Variants in AKAP19 observed in about 807,000 individuals in gnomAD.
AKAP19 encodes small A-kinase anchoring protein.
chr2:190,027,079 G>A, the AKAP19 span, among the ~76,000 whole-genome samples: 15 of 152,188 alleles, frequency 9.9e-5, no homozygotes, highest in African/African-American at 3.1e-4. Flanking sequence ...CAGCTTTATT[G>A]CAAGTACTAA....
chr2:190,091,167 A>G, the AKAP19 span, among the ~76,000 whole-genome samples: 2 of 152,228 alleles, frequency 1.3e-5, no homozygotes, highest in African/African-American at 4.8e-5. Context: ...AAATGCCTAT[A>G]AAGTTCAACA....
At chr2:190,053,687 A>G in the AKAP19 span, among the ~76,000 whole-genome samples, 1 of 152,226 alleles carries the variant, frequency 6.6e-6, no homozygotes, top group Non-Finnish European at 1.5e-5. Flanking sequence ...TCTTAGTTAT[A>G]TTATTGGTAG....
chr2:190,107,403 C>CTGTGATTG, the AKAP19 span, among the ~76,000 whole-genome samples: 1 of 151,940 alleles, frequency 6.6e-6, no homozygotes, highest in African/African-American at 2.4e-5. Flanking sequence ...AGTTTTCATT[C>CTGTGATTG]AAGTTGTGAT....
chr2:190,073,080 CTTAAT>C, the AKAP19 span, among the ~76,000 whole-genome samples: 9 of 151,982 alleles, frequency 5.9e-5, no homozygotes. Context: ...AACACACTAG[CTTAAT>C]TTATCAATAT....
chr2:190,131,919 T>C, the AKAP19 span, among the ~76,000 whole-genome samples: 1 of 152,054 alleles, frequency 6.6e-6, no homozygotes, highest in Non-Finnish European at 1.5e-5. Flanking sequence ...GTCTCATATA[T>C]AGAAAACCTT....
the AKAP19 span, among the ~76,000 whole-genome samples, chr2:190,196,422 GA>G: frequency 6.6e-6 from 1 of 151,206 alleles, no homozygotes; most frequent in Non-Finnish European, 1.5e-5. Flanking sequence ...ATTTCTCTGA[GA>G]TTCTTTTTTT....
the AKAP19 span, among the ~76,000 whole-genome samples, chr2:190,131,694 C>A: frequency 6.6e-6 from 1 of 152,188 alleles, no homozygotes; most frequent in Non-Finnish European, 1.5e-5. Context: ...TGAAGTTGGG[C>A]AGTCTTGTAG....
chr2:190,094,917 T>A, the AKAP19 span, among the ~76,000 whole-genome samples: 152 of 152,214 alleles, frequency 1.0e-3, no homozygotes, highest in African/African-American at 3.4e-3. Flanking sequence ...TCAAAGAAAG[T>A]GAGAGATAAG....
At chr2:190,100,214 C>T in the AKAP19 span, among the ~76,000 whole-genome samples, 221 of 152,098 alleles carry the variant, frequency 1.5e-3, no homozygotes, top group African/African-American at 5.2e-3. Context: ...ATTAGTATCC[C>T]AGGATGATGA....
chr2:190,166,009 T>G, the AKAP19 span, among the ~76,000 whole-genome samples: 15 of 152,124 alleles, frequency 9.9e-5, no homozygotes, highest in African/African-American at 3.4e-4. Flanking sequence ...AAAGAGTGAG[T>G]TTACCACTTA....
chr2:189,930,570 G>A, the AKAP19 span: 1 of 232,874 alleles, frequency 4.3e-6, no homozygotes. Flanking sequence ...CAGCTACTCC[G>A]GAGGCTGAGG....
chr2:190,074,570 A>T, the AKAP19 span, among the ~76,000 whole-genome samples: 1 of 151,920 alleles, frequency 6.6e-6, no homozygotes, highest in East Asian at 1.9e-4. Context: ...AGATTCGCTT[A>T]AACCCGGGAG....
chr2:190,101,891 A>G, the AKAP19 span, among the ~76,000 whole-genome samples: 1 of 152,188 alleles, frequency 6.6e-6, no homozygotes, highest in Admixed American at 6.5e-5. Context: ...ACCACAGAAT[A>G]TATATATTCT....
chr2:190,166,314 ACT>A, the AKAP19 span, among the ~76,000 whole-genome samples: 7 of 70,016 alleles, frequency 1.0e-4, no homozygotes, highest in Admixed American at 8.4e-4. Flanking sequence ...AAAAAAATCC[ACT>A]CTTTTTTTTT....
chr2:190,195,385 A>G, the AKAP19 span, among the ~76,000 whole-genome samples: 1 of 152,232 alleles, frequency 6.6e-6, no homozygotes, highest in Non-Finnish European at 1.5e-5. Context: ...TTCACTTTCT[A>G]AGAAACTGCC....
At chr2:189,987,414 C>G in the AKAP19 span, among the ~76,000 whole-genome samples, 6 of 152,276 alleles carry the variant, frequency 3.9e-5, no homozygotes, top group African/African-American at 1.4e-4. Context: ...ACTAATATAC[C>G]TACTAAGGTT....
chr2:189,923,834 C>A, the AKAP19 span: 9 of 1,610,290 alleles, frequency 5.6e-6, no homozygotes, highest in Non-Finnish European at 6.8e-6. Flanking sequence ...GAGTGGACAG[C>A]GGGGATCTTC....
chr2:189,884,432 C>T, the AKAP19 span, among the ~76,000 whole-genome samples: 9,415 of 152,160 alleles, frequency 0.062, 397 homozygotes, highest in Non-Finnish European at 0.089. Flanking sequence ...GTTATTTGCA[C>T]TCTTTTTTGG....
chr2:190,089,761 C>A, the AKAP19 span, among the ~76,000 whole-genome samples: 1 of 152,170 alleles, frequency 6.6e-6, no homozygotes, highest in Non-Finnish European at 1.5e-5. Flanking sequence ...AACCACAGGA[C>A]TCCCCAGAGT....
Sources: allele counts gnomAD v4.1 joint callset (sites outside exome capture counted in the v4.1 genomes callset), GRCh38; gene constraint gnomAD v4.1.1; transcripts MANE v1.5; gene names NCBI Gene and HGNC (gene_info 2026-07-23, HGNC 2026-07-21).